LARGE1: variants seen among roughly 807,000 people sequenced by gnomAD.
LARGE1 encodes xylosyl- and glucuronyltransferase LARGE1.
Under a neutral mutation model 87.6 loss-of-function variants are expected in LARGE1, and 43 were observed. The ratio of observed to expected loss-of-function variants is 0.49; its 90% CI spans 0.38 to 0.63. The LOEUF (loss-of-function observed/expected upper bound fraction) is 0.63, where lower values mean the gene tolerates loss of function less well. LARGE1 is among the 30% of genes least tolerant of loss of function. The pLI is 0.00. For synonymous variants in LARGE1, 434 were observed against 394.6 expected, an observed-to-expected ratio of 1.10 and a Z score of -1.18; for missense variants, 802 against 1,000.2, an observed-to-expected ratio of 0.80 and a Z score of 2.67.
At chr22:33,103,246 A>G in the LARGE1 span, among the ~76,000 whole-genome samples, 1 of 151,994 alleles carries the variant, frequency 6.6e-6, no homozygotes, top group Non-Finnish European at 1.5e-5. Context: ...ATCCTGGCTA[A>G]CAAGGTGAAA....
At chr22:33,832,461 T>A (rs1383055397) in intron 1 of LARGE1, among the ~76,000 whole-genome samples, 2 of 151,734 alleles carry the variant, frequency 1.3e-5, no homozygotes, top group African/African-American at 4.8e-5. Context: ...ACTGTCAGTG[T>A]TAAGGGACAG....
rs929661617 is a variant in LARGE1 at position 33,774,481 on chromosome 22, C to G, written c.-82-12923G>C. 3.3e-5 allele frequency among the ~76,000 whole-genome samples: 5 copies of G among 152,044 alleles called. No individual in the cohort carries two copies. The South Asian group carries it at 1.0e-3, about 32-fold the overall frequency. Reference sequence around the variant, plus strand: ...AAGCAATTCTCCTGACTCAGCCTCCCGAGTAGCTGGGATTACAGGCACGTG... The same window carrying G: ...AAGCAATTCTCCTGACTCAGCCTCCGGAGTAGCTGGGATTACAGGCACGTG... On this transcript the variant is annotated intron_variant, in intron 1 of 14. Transcript: ENST00000397394.
At chr22:33,158,868 C>T (rs975921), downstream of LARGE1, among the ~76,000 whole-genome samples, 64,142 of 151,980 alleles carry the variant, frequency 0.42, 13,971 homozygotes, top group South Asian at 0.68. Context: ...AGATAAAACC[C>T]TAGGTTGTCA....
chr22:33,373,795 A>G (rs1349829756), intron 9 of LARGE1, among the ~76,000 whole-genome samples: 1 of 152,010 alleles, frequency 6.6e-6, no homozygotes, highest in Non-Finnish European at 1.5e-5. Flanking sequence ...TAACATGGTG[A>G]AACCCTGTCT....
intron 2 of LARGE1, among the ~76,000 whole-genome samples, chr22:33,753,391 G>A (rs982032290): frequency 4.6e-5 from 7 of 152,224 alleles, no homozygotes; most frequent in South Asian, 2.1e-4. Context: ...CAAGGAAAGC[G>A]GGCAGCCTCA....
intron 1 of LARGE1, among the ~76,000 whole-genome samples, chr22:33,907,617 T>G (rs1417784301): frequency 1.3e-5 from 2 of 150,432 alleles, no homozygotes; most frequent in Non-Finnish European, 3.0e-5. Context: ...CAGGCTGGAG[T>G]AGCGCAGTGG....
chr22:33,074,276 G>A, the LARGE1 span, among the ~76,000 whole-genome samples: 1 of 152,120 alleles, frequency 6.6e-6, no homozygotes, highest in Non-Finnish European at 1.5e-5. Context: ...ACATTGTTGT[G>A]AGTTGCAATA....
chr22:33,369,678 C>A (rs1214628124), intron 9 of LARGE1, among the ~76,000 whole-genome samples: 1 of 152,204 alleles, frequency 6.6e-6, no homozygotes, highest in Non-Finnish European at 1.5e-5. Context: ...AAGCAATTCG[C>A]CTGCCTCAGC....
chr22:33,882,039 T>TTTG (rs1569009960), intron 1 of LARGE1, among the ~76,000 whole-genome samples: 206 of 148,874 alleles, frequency 1.4e-3, no homozygotes, highest in African/African-American at 4.9e-3. Flanking sequence ...GTTTTTGTTT[T>TTTG]TTTTTGTTTT....
intron 6 of LARGE1, among the ~76,000 whole-genome samples, chr22:33,453,428 A>T (rs2068016592): frequency 6.6e-6 from 1 of 152,148 alleles, no homozygotes; most frequent in African/African-American, 2.4e-5. Context: ...AAAAAAAAAA[A>T]AGTTGTTGCT....
intron 11 of LARGE1, among the ~76,000 whole-genome samples, chr22:33,315,101 C>A (rs531633719): frequency 6.6e-6 from 1 of 152,054 alleles, no homozygotes; most frequent in African/African-American, 2.4e-5. Context: ...CCCAGCTACT[C>A]GGGAGGCTGA....
chr22:33,886,497 C>T (rs192281485), intron 1 of LARGE1, among the ~76,000 whole-genome samples: 1 of 151,858 alleles, frequency 6.6e-6, no homozygotes. Context: ...GCCATCATGA[C>T]GAAACCCTGT....
chr22:33,818,659 T>C (rs1304622933), intron 1 of LARGE1, among the ~76,000 whole-genome samples: 1 of 152,220 alleles, frequency 6.6e-6, no homozygotes, highest in African/African-American at 2.4e-5. Flanking sequence ...CCTCTCTGTA[T>C]CCTGCCCTGC....
intron 6 of LARGE1, among the ~76,000 whole-genome samples, chr22:33,483,295 G>C (rs532798603): frequency 1.8e-4 from 27 of 152,234 alleles, no homozygotes; most frequent in African/African-American, 6.3e-4. Context: ...CTCTTAGAGA[G>C]GAAGGTATTT....
At chr22:33,816,018 G>A (rs1351858067) in intron 1 of LARGE1, among the ~76,000 whole-genome samples, 14 of 152,176 alleles carry the variant, frequency 9.2e-5, no homozygotes, top group African/African-American at 9.6e-5. Flanking sequence ...TTCCTCTTTC[G>A]CATTCAATGT....
At chr22:33,845,761 C>G (rs1000593470) in intron 1 of LARGE1, among the ~76,000 whole-genome samples, 1 of 152,106 alleles carries the variant, frequency 6.6e-6, no homozygotes, top group Non-Finnish European at 1.5e-5. Flanking sequence ...ATTATCAAGT[C>G]ATGATAATTA....
intron 11 of LARGE1, among the ~76,000 whole-genome samples, chr22:33,310,419 C>A (rs1935437687): frequency 6.6e-6 from 1 of 152,090 alleles, no homozygotes; most frequent in South Asian, 2.1e-4. Flanking sequence ...GTCCCTTTGC[C>A]ATTGGTGTCT....
chr22:33,168,521 G>A (rs1057503269), intron 11 of LARGE1, among the ~76,000 whole-genome samples: 2 of 152,202 alleles, frequency 1.3e-5, no homozygotes, highest in African/African-American at 4.8e-5. Flanking sequence ...AAATGTGCAG[G>A]AAGAAACTAA....
chr22:33,689,807 A>G (rs762979983), intron 2 of LARGE1, among the ~76,000 whole-genome samples: 19 of 151,944 alleles, frequency 1.3e-4, no homozygotes, highest in Non-Finnish European at 2.5e-4. Context: ...GGTGCCTGTA[A>G]TCCCAGCTAC....
Sources: gnomAD v4.1 joint callset for allele counts (sites outside exome capture counted in the v4.1 genomes callset) on GRCh38, gnomAD v4.1.1 for gene constraint, MANE v1.5 for transcripts, NCBI Gene and HGNC (gene_info 2026-07-23, HGNC 2026-07-21) for gene names.